Variants in RNF130 observed in about 807,000 individuals in gnomAD.
RNF130 encodes the protein ring finger protein 130.
A neutral mutation model predicts 44.6 loss-of-function variants in RNF130; 21 were observed. That is an observed-to-expected ratio of 0.47 (90% confidence interval 0.33 to 0.68). The LOEUF is 0.68. Among genes scored for constraint, RNF130 ranks in the 30% least tolerant of loss-of-function variants. RNF130 has a pLI of 0.02. For missense variants in RNF130, 479 were observed against 560.6 expected (o/e 0.85, Z 1.47); for synonymous variants, 214 against 210.4 (o/e 1.02, Z -0.15).
chr5:179,938,108 C>T (rs1455096077), intron 7 of RNF130, among the ~76,000 whole-genome samples: 4 of 152,034 alleles, frequency 2.6e-5, no homozygotes, highest in African/African-American at 7.2e-5. Context: ...AGGTACGCGG[C>T]ACCACGTCTG....
chr5:180,070,169 A>T (rs1002455129), intron 1 of RNF130, among the ~76,000 whole-genome samples: 33 of 152,232 alleles, frequency 2.2e-4, no homozygotes, highest in Admixed American at 1.2e-3. Context: ...AACACTGTGC[A>T]TCTCAACCAC....
At chr5:180,033,370 A>G (rs1764176172) in intron 2 of RNF130, among the ~76,000 whole-genome samples, 1 of 152,172 alleles carries the variant, frequency 6.6e-6, no homozygotes, top group Non-Finnish European at 1.5e-5. Context: ...TTGTTAGGCT[A>G]TTGAGAATGA....
At chr5:179,938,375 A>G (rs919425469) in intron 7 of RNF130, among the ~76,000 whole-genome samples, 4 of 152,026 alleles carry the variant, frequency 2.6e-5, no homozygotes, top group African/African-American at 9.7e-5. Context: ...TGGGGACAGG[A>G]CACAGATTGG....
At chr5:179,962,039 C>T (rs1762342681) in intron 8 of RNF130, among the ~76,000 whole-genome samples, 1 of 152,194 alleles carries the variant, frequency 6.6e-6, no homozygotes, top group African/African-American at 2.4e-5. Context: ...AATATAACTG[C>T]CCAGGTCTTA....
At position 180,045,180 on chromosome 5, in the gene RNF130, G is replaced by A. The variant is rs562585107; in HGVS notation, c.248-4533C>T. ...TCAGAAAAGATCTCATTTGCAATGA[G>A]AGAAGGAGAAGAATATTCAGGTAAG... On this transcript the variant is annotated intron_variant, in intron 1 of 8. Coordinates refer to ENST00000521389, the MANE Select transcript of RNF130 (RefSeq NM_018434.6). Among the ~76,000 whole-genome samples the A allele has an allele frequency of 1.8e-4, 28 of 152,334 alleles. 1 individual carries two copies. The highest frequency in any genetic ancestry group is 3.4e-3 in the Middle Eastern group (1 of 294).
At chr5:180,015,491 GGAAAGGAGT>G (rs1763697804) in intron 2 of RNF130, 3 of 282,424 alleles carry the variant, frequency 1.1e-5, no homozygotes, top group African/African-American at 9.0e-5. Flanking sequence ...GAAAGGAGTA[GGAAAGGAGT>G]AGGGAAAGGA....
chr5:180,070,062 A>G (rs567885830), intron 1 of RNF130, among the ~76,000 whole-genome samples: 1 of 152,312 alleles, frequency 6.6e-6, no homozygotes, highest in South Asian at 2.1e-4. Flanking sequence ...CTTGCTCCAC[A>G]ACAGCTTGCC....
chr5:180,049,873 C>A (rs1048714690), intron 1 of RNF130, among the ~76,000 whole-genome samples: 12 of 151,892 alleles, frequency 7.9e-5, no homozygotes. Flanking sequence ...TCCCCCTTTT[C>A]CTCATCTATA....
At chr5:180,054,089 C>T (rs1221058658) in intron 1 of RNF130, among the ~76,000 whole-genome samples, 1 of 152,132 alleles carries the variant, frequency 6.6e-6, no homozygotes, top group African/African-American at 2.4e-5. Context: ...TGCTGGATTA[C>T]AGGTGTGAGC....
At chr5:179,932,551 C>T (rs1761824220) in intron 7 of RNF130, among the ~76,000 whole-genome samples, 1 of 151,998 alleles carries the variant, frequency 6.6e-6, no homozygotes, top group South Asian at 2.1e-4. Context: ...TGAGCCACCA[C>T]GCCCGGCCTT....
intron 1 of RNF130, among the ~76,000 whole-genome samples, chr5:180,061,980 T>C (rs1429238428): frequency 3.3e-5 from 5 of 152,050 alleles, no homozygotes; most frequent in South Asian, 2.1e-4. Flanking sequence ...GCCCGCTGTC[T>C]GCTTCATCAA....
intron 7 of RNF130, among the ~76,000 whole-genome samples, chr5:179,946,300 G>A (rs1052078409): frequency 2.0e-5 from 3 of 152,224 alleles, no homozygotes; most frequent in African/African-American, 7.2e-5. Context: ...CGGGGTCTGT[G>A]TGTGGTCAGG....
intron 3 of RNF130, among the ~76,000 whole-genome samples, chr5:180,010,581 A>C (rs1763570571): frequency 6.6e-6 from 1 of 152,096 alleles, no homozygotes; most frequent in Non-Finnish European, 1.5e-5. Context: ...GCTGGTCTTG[A>C]ACTCCTGACC....
chr5:179,937,586 C>A (rs555295279), intron 7 of RNF130, among the ~76,000 whole-genome samples: 5 of 152,186 alleles, frequency 3.3e-5, no homozygotes, highest in Non-Finnish European at 5.9e-5. Flanking sequence ...AAATCAGAAC[C>A]CTTATACATT....
chr5:179,960,261 C>T (rs1762296715), intron 8 of RNF130, among the ~76,000 whole-genome samples: 1 of 152,146 alleles, frequency 6.6e-6, no homozygotes, highest in African/African-American at 2.4e-5. Flanking sequence ...ATTTACCTTG[C>T]ATTTATTCAC....
intron 3 of RNF130, among the ~76,000 whole-genome samples, chr5:179,988,762 T>A (rs988504072): frequency 2.6e-5 from 4 of 152,248 alleles, no homozygotes; most frequent in Admixed American, 2.6e-4. Flanking sequence ...TGATATGATT[T>A]CTATTTTTAA....
At chr5:179,986,854 T>C (rs1454485681) in intron 3 of RNF130, among the ~76,000 whole-genome samples, 1 of 152,248 alleles carries the variant, frequency 6.6e-6, no homozygotes, top group Non-Finnish European at 1.5e-5. Context: ...ATTTCTTTCA[T>C]CAGTATTTGA....
intron 7 of RNF130, among the ~76,000 whole-genome samples, chr5:179,937,933 T>TGTGTGAGA (rs1268947878): frequency 8.7e-4 from 101 of 116,284 alleles, no homozygotes; most frequent in South Asian, 3.7e-3. Context: ...TGTGTGTGTG[T>TGTGTGAGA]GAGAGAGAGA....
chr5:179,915,378 T>A (rs1011269237), exon 8 of RNF130: 1 of 152,586 alleles, frequency 6.6e-6, no homozygotes, highest in African/African-American at 2.4e-5. Context: ...GCAGGCATTC[T>A]GATGCAGGGG....
Sources: gnomAD v4.1 joint callset for allele counts (sites outside exome capture counted in the v4.1 genomes callset) on GRCh38, gnomAD v4.1.1 for gene constraint, MANE v1.5 for transcripts, NCBI Gene and HGNC (gene_info 2026-07-23, HGNC 2026-07-21) for gene names.